The following CELSR2 variants were observed in gnomAD, a reference collection of about 807,000 sequenced individuals.
CELSR2 encodes cadherin EGF LAG seven-pass G-type receptor 2.
A neutral mutation model predicts 251.6 loss-of-function variants in CELSR2; 81 were observed. That is an observed-to-expected ratio of 0.32 (90% CI 0.27 to 0.39). The LOEUF is 0.39. CELSR2 is among the 10% of genes least tolerant of loss of function. The probability of loss-of-function intolerance (pLI) is 1.00; values close to 1 mark genes in which losing one functional copy is unlikely to be tolerated. For missense variants in CELSR2, 3,365 were observed against 3,947.7 expected (o/e 0.85, Z 3.96); for synonymous variants, 1,721 against 1,670.5 (o/e 1.03, Z -0.74).
rs1487572696 is a variant in CELSR2 at position 109,249,808 on chromosome 1, G to T, written c.-272G>T. 6.7e-6 allele frequency among the ~76,000 whole-genome samples: 1 copy of T among 149,956 alleles called. No individual in the cohort carries two copies. The highest frequency in any genetic ancestry group is 1.9e-4 in the East Asian group (1 of 5,146). On this transcript the variant is annotated 5_prime_UTR_variant, in exon 1 of 34. Coordinates refer to ENST00000271332, the MANE Select transcript of CELSR2 (RefSeq NM_001408.3). ...GGGCCCCCGGGCGCAGGTGGTGAGTGCCCGGAGCGCAGGTGGAGGCGCGGC... is the reference window on the plus strand; with the variant it reads ...GGGCCCCCGGGCGCAGGTGGTGAGTTCCCGGAGCGCAGGTGGAGGCGCGGC...
rs928776423 is a variant in CELSR2, at chr1:109,252,514, C to A, written c.2435C>A (p.Ala812Asp). ...CTGGTGAACGACGTGAATGACAATG[C>A]CCCTCAGTTCCTGCGAGACTCCTAC... ...EILVNDVNDNAPQFLRDSYQG... is the reference protein window; with the variant it reads ...EILVNDVNDNDPQFLRDSYQG... Residue 812 changes from alanine (A) to aspartate (D), a missense_variant, in exon 1 of 34, where the codon GCC becomes GAC. Coordinates refer to ENST00000271332, the MANE Select transcript of CELSR2 (RefSeq NM_001408.3). This position sits in a 1 kb window ranked among gnomAD's most constrained non-coding sequence, Gnocchi z 4.8. The A allele has an allele frequency of 2.1e-5, 34 of 1,613,778 alleles. 1 individual carries two copies. The highest frequency in any genetic ancestry group is 1.6e-4 in the East Asian group (7 of 44,902).
In CELSR2 at chr1:109,270,439, T is replaced by A; in HGVS notation, c.7322T>A (p.Val2441Asp). 1.2e-6 allele frequency: 2 copies of A among 1,614,214 alleles called. No homozygotes were observed. The highest frequency in any genetic ancestry group is 1.7e-6 in the Non-Finnish European group (2 of 1,180,036). ...NQADLPFACT[V>D]IAILLHFLYL... ...CTGGGCCCTCAGTTTGCCTGCACAG[T>A]CATTGCCATCCTGCTGCACTTCCTG... The change falls in exon 24 of 34, where the codon GTC becomes GAC. Residue 2441 changes from valine (V) to aspartate (D), a missense_variant. By Grantham distance (152) the Val-to-Asp change is radical. Transcript: ENST00000271332.
Position 109,258,806 on chromosome 1 carries a change from G to A in CELSR2, c.3685G>A (p.Asp1229Asn). The A allele has an allele frequency of 1.9e-6, 3 of 1,611,348 alleles. No homozygotes were observed. The highest frequency in any genetic ancestry group is 2.2e-5 in the East Asian group (1 of 44,820). ...ISAQRVLPFD[D>N]NICLREPCEN... is the part of the protein sequence containing the mutation. ...GGCACAGCGCGTGCTGCCCTTCGAC[G>A]ACAACATCTGCCTGCGGGAGCCCTG... Residue 1229 changes from aspartate (D) to asparagine (N), a missense_variant, in exon 2 of 34, where the codon GAC becomes AAC. By Grantham distance (23) the Asp-to-Asn change is conservative. Transcript: ENST00000271332.
In CELSR2 at chr1:109,270,917, C is replaced by T; in HGVS notation, c.7484-10C>T. ...CCCCTCCACTGCTCCCGTCTGTCTC[C>T]ATGCTCCAGGGCTAGCCGTGGGCCT... On this transcript the variant is annotated splice_polypyrimidine_tract_variant and intron_variant, in intron 24 of 33. Coordinates refer to ENST00000271332, the MANE Select transcript of CELSR2 (RefSeq NM_001408.3). 6.2e-7 allele frequency: 1 copy of T among 1,603,212 alleles called. No homozygotes were observed. Among genetic ancestry groups the T allele is most frequent in the Non-Finnish European group, 8.5e-7 (1 of 1,172,294 alleles).
chr1:109,266,270 C>A lies in CELSR2; in HGVS notation c.6013+64C>A. On this transcript the variant is annotated intron_variant, in intron 15 of 33. Transcript: ENST00000271332. ...GCCTCTGCTGTTAGTGGGATGAGGGCAGGAAGCTCCTGGCTGAAGATCCGG... is the reference window on the plus strand; with the variant it reads ...GCCTCTGCTGTTAGTGGGATGAGGGAAGGAAGCTCCTGGCTGAAGATCCGG... 7.7e-6 allele frequency: 12 copies of A among 1,568,236 alleles called. No homozygotes were observed. In the South Asian group the frequency reaches 1.3e-4, roughly 16 times the overall value.
At chr1:109,268,250 T>C (rs998539338) in intron 17 of CELSR2, among the ~76,000 whole-genome samples, 190 bp downstream of exon 17, 3 of 151,918 alleles carry the variant, frequency 2.0e-5, no homozygotes, top group Non-Finnish European at 4.4e-5. Flanking sequence ...CATAGTAACA[T>C]ATGTGTGTTG....
Position 109,261,647 on chromosome 1 carries a change from C to A in CELSR2, c.4297+19C>A, listed in dbSNP as rs758575247. 21 of 1,597,396 alleles carry A rather than the reference C, an allele frequency of 1.3e-5. No individual in the cohort carries two copies. The highest frequency in any genetic ancestry group is 4.5e-5 in the East Asian group (2 of 44,806). The stretch of plus-strand genomic sequence containing the variant: ...TCTGCAGGTGATCACAGTTGCCCCC[C>A]ATCCTTGCCCATCTTCCAAAGGCCC... On this transcript the variant is annotated intron_variant, in intron 4 of 33. Coordinates refer to ENST00000271332, the MANE Select transcript of CELSR2 (RefSeq NM_001408.3). The surrounding 1 kb of genome is among the most constrained non-coding windows in gnomAD (Gnocchi z 4.8).
intron 15 of CELSR2, among the ~76,000 whole-genome samples, chr1:109,267,057 T>C (rs1656217200): frequency 6.6e-6 from 1 of 152,160 alleles, no homozygotes; most frequent in African/African-American, 2.4e-5. Flanking sequence ...CTGAAAAACC[T>C]GCACTGTGCT....
rs550217532 is a variant in CELSR2, at chr1:109,273,112, G to A, written c.8339-54G>A. 30 of 1,596,134 alleles carry A rather than the reference G, an allele frequency of 1.9e-5. No homozygotes were observed. In the African/African-American group the frequency reaches 4.0e-4, roughly 21 times the overall value. On this transcript the variant is annotated intron_variant, in intron 31 of 33. Coordinates refer to ENST00000271332, the MANE Select transcript of CELSR2 (RefSeq NM_001408.3). The stretch of plus-strand genomic sequence containing the variant: ...TCTTGGGAAGCAGGACTGGGGTGGT[G>A]GCCTCCTGGCTATCTGCCCTCTGTG...
rs1250869471 is a variant in CELSR2, at chr1:109,252,689, A to G, written c.2610A>G (p.Ser870=). 1.9e-6 allele frequency: 3 copies of G among 1,614,024 alleles called. No individual in the cohort carries two copies. In the East Asian group the frequency reaches 6.7e-5, roughly 36 times the overall value. The change falls in exon 1 of 34, where the codon TCA becomes TCG. Residue 870 remains serine, a synonymous_variant. Coordinates refer to ENST00000271332, the MANE Select transcript of CELSR2 (RefSeq NM_001408.3). The surrounding 1 kb of genome is among the most constrained non-coding windows in gnomAD (Gnocchi z 4.8). The part of the protein sequence containing the change: ...GDGDFIVEST[S]GIVRTLRRLD... ...GTGACTTTATTGTTGAGTCCACGTC[A>G]GGCATCGTGCGAACGCTACGGAGGC...
In CELSR2 at chr1:109,250,702, C is replaced by T. The variant is rs761111571; in HGVS notation, c.623C>T (p.Pro208Leu). Reference protein sequence around the residue: ...TPVASLRAIDPDEGEAGRLEY... With the variant: ...TPVASLRAIDLDEGEAGRLEY... ...GTTGCATCCCTGAGGGCCATCGACC[C>T]GGACGAGGGTGAGGCAGGTCGACTG... Residue 208 changes from proline to leucine, a missense_variant, in exon 1 of 34, where the codon CCG (proline) becomes CTG (leucine). This residue lies in a region of CELSR2 where 704 missense variants were observed against 784.1 expected (regional missense o/e 0.90). Transcript: ENST00000271332. This position sits in a 1 kb window ranked among gnomAD's most constrained non-coding sequence, Gnocchi z 4.4. The T allele has an allele frequency of 1.5e-5, 25 of 1,614,020 alleles. No individual in the cohort carries two copies. In the Admixed American group the frequency reaches 1.8e-4, roughly 12 times the overall value.
chr1:109,271,354 T>C, intron 26 of CELSR2, 32 bp from the exon 27 acceptor site: 1 of 1,613,494 alleles, frequency 6.2e-7, no homozygotes, highest in Non-Finnish European at 8.5e-7. Context: ...GGAGGTCTCA[T>C]GGCCGGACTC....
intron 1 of CELSR2, among the ~76,000 whole-genome samples, chr1:109,255,796 G>A (rs1426940440): frequency 6.6e-6 from 1 of 152,242 alleles, no homozygotes; most frequent in Non-Finnish European, 1.5e-5. Flanking sequence ...AGGCAGGGGA[G>A]GGTGATATAG....
In CELSR2 at chr1:109,258,816, G is replaced by A. The variant is rs1655935911; in HGVS notation, c.3695G>A (p.Cys1232Tyr). Residue 1232 changes from cysteine (C) to tyrosine (Y), a missense_variant, in exon 2 of 34, where the codon TGC becomes TAC. Cys to Tyr is a radical substitution (Grantham distance 194). Around this residue, in one of 5 missense-constraint regions of CELSR2, gnomAD observed 2,093 missense variants for 2,382.8 expected, o/e 0.88. Transcript: ENST00000271332. ...GTGCTGCCCTTCGACGACAACATCT[G>A]CCTGCGGGAGCCCTGCGAGAACTAC... ...QRVLPFDDNICLREPCENYMR... is the reference protein window; with the variant it reads ...QRVLPFDDNIYLREPCENYMR... The A allele has an allele frequency of 6.2e-7, 1 of 1,611,876 alleles. No homozygotes were observed. The highest frequency in any genetic ancestry group is 8.5e-7 in the Non-Finnish European group (1 of 1,179,156).
rs958893426 is a variant in CELSR2 at position 109,249,930 on chromosome 1, G to C, written c.-150G>C. 3.0e-6 allele frequency: 2 copies of C among 661,738 alleles called. No individual in the cohort carries two copies. The highest frequency in any genetic ancestry group is 3.9e-5 in the African/African-American group (2 of 51,826). 41.0% of individuals were successfully genotyped at this position (661,738 alleles called of 1,614,324 possible). A position where few individuals can be genotyped will look rare whatever the true frequency, so the allele number is the denominator to read the frequency against. ...GGAGGGTGCAGCGCGGGGTCCCGCC[G>C]AGCCATCCAGACGCAGGCCCCGCGG... On this transcript the variant is annotated 5_prime_UTR_variant, in exon 1 of 34. Transcript: ENST00000271332.
intron 1 of CELSR2, 120 bp from the exon 2 acceptor site, chr1:109,258,312 A>G (rs1655917022): frequency 1.5e-6 from 1 of 654,878 alleles, no homozygotes; most frequent in South Asian, 2.2e-5. Context: ...CACACGTGAC[A>G]TACCTGGCTC....
intron 1 of CELSR2, among the ~76,000 whole-genome samples, chr1:109,257,504 G>T (rs1655892215): frequency 6.6e-6 from 1 of 152,174 alleles, no homozygotes; most frequent in Non-Finnish European, 1.5e-5. Context: ...GGGTGTGTGG[G>T]TGGAATGAGA....
At chr1:109,273,708 C>A in intron 33 of CELSR2, 38 bp downstream of exon 33, 2 of 1,395,008 alleles carry the variant, frequency 1.4e-6, no homozygotes, top group African/African-American at 1.5e-5. Context: ...GGTGCAGCCC[C>A]TCGGAGGCCT....
chr1:109,262,304 A>G lies in CELSR2; in HGVS notation c.4404A>G (p.Thr1468=), dbSNP rs200366317. ...GTCCACAGCCACTGTTGGGTCAGAC[A>G]GGGCTCCCACAGGGCCCATCAGAGC... is the stretch of plus-strand genomic sequence containing the variant. ...KYYNKPLLGQ[T]GLPQGPSEQK... Residue 1468 remains threonine (T), a synonymous_variant, in exon 6 of 34, where the codon ACA becomes ACG. Transcript: ENST00000271332. The G allele has an allele frequency of 2.1e-4, 342 of 1,614,046 alleles. No individual in the cohort carries two copies. The highest frequency in any genetic ancestry group is 1.5e-3 in the Middle Eastern group (9 of 6,062).
Sources: allele counts gnomAD v4.1 joint callset (sites outside exome capture counted in the v4.1 genomes callset), GRCh38; gene constraint gnomAD v4.1.1; regional missense constraint gnomAD v4.1.1; non-coding constraint Gnocchi (gnomAD v3.1); transcripts MANE v1.5; gene names NCBI Gene and HGNC (gene_info 2026-07-23, HGNC 2026-07-21).